DGCR2: variants seen among roughly 807,000 people sequenced by gnomAD.
The protein encoded by DGCR2 is DiGeorge syndrome critical region gene 2.
A neutral mutation model predicts 51.6 loss-of-function variants in DGCR2; 24 were observed. The ratio of observed to expected loss-of-function variants is 0.47; its 90% CI spans 0.34 to 0.65. DGCR2 has a LOEUF of 0.65. Among genes scored for constraint, DGCR2 ranks in the 30% least tolerant of loss-of-function variants. DGCR2 has a pLI of 0.01. For synonymous variants in DGCR2, 340 were observed against 315.4 expected, an observed-to-expected ratio of 1.08 and a Z score of -0.82; for missense variants, 765 against 772.1, an observed-to-expected ratio of 0.99 and a Z score of 0.11.
chr22:19,086,526 C>T (rs779453099), intron 2 of DGCR2, among the ~76,000 whole-genome samples: 3 of 152,036 alleles, frequency 2.0e-5, no homozygotes, highest in Non-Finnish European at 4.4e-5. Flanking sequence ...GACTGTGACA[C>T]AGCACTATAC....
Position 19,041,827 on chromosome 22 carries a change from T to G in DGCR2, c.1139A>C (p.Glu380Ala), listed in dbSNP as rs769637973. Residue 380 changes from glutamate (E) to alanine (A), a missense_variant, in exon 8 of 10, where the codon GAG becomes GCG. Transcript: ENST00000263196. The part of the protein sequence containing the change: ...RLRQRRRERI[E>A]SLIGANLHHF... ...CTTACAGTTTGCTCCAATCAGGGAC[T>G]CGATGCGCTCCCGGCGCCGCTGGCG... The G allele has an allele frequency of 4.6e-5, 74 of 1,612,386 alleles. No individual in the cohort carries two copies. Among genetic ancestry groups the G allele is most frequent in the South Asian group, 4.3e-4 (39 of 91,012 alleles).
chr22:19,048,308 A>G, intron 7 of DGCR2, 132 bp downstream of exon 7: 1 of 938,920 alleles, frequency 1.1e-6, no homozygotes, highest in Non-Finnish European at 1.6e-6. Flanking sequence ...TCTCTGTGAC[A>G]AACGCTGCCA....
chr22:19,082,301 G>A (rs547161159), intron 2 of DGCR2, among the ~76,000 whole-genome samples: 2 of 140,662 alleles, frequency 1.4e-5, no homozygotes, highest in African/African-American at 5.4e-5. Context: ...CTTGGGCTCT[G>A]GCAATCTGCC....
At chr22:19,104,598 C>T (rs554447680) in intron 1 of DGCR2, among the ~76,000 whole-genome samples, 2 of 152,328 alleles carry the variant, frequency 1.3e-5, no homozygotes, top group South Asian at 4.1e-4. Context: ...TCTGCTCGCA[C>T]TACTCACAGC....
At chr22:19,098,619 G>C (rs965566706) in intron 1 of DGCR2, among the ~76,000 whole-genome samples, 1 of 152,056 alleles carries the variant, frequency 6.6e-6, no homozygotes, top group African/African-American at 2.4e-5. Flanking sequence ...ACAGGGTCTC[G>C]CTCTGTCACC....
intron 2 of DGCR2, among the ~76,000 whole-genome samples, chr22:19,077,014 G>A (rs1206203943): frequency 5.3e-5 from 8 of 151,578 alleles, no homozygotes; most frequent in Non-Finnish European, 7.4e-5. Context: ...GTGAGCCGCC[G>A]CACCCAGTCC....
At chr22:19,065,627 G>C (rs1026289473) in intron 3 of DGCR2, 1 of 157,522 alleles carries the variant, frequency 6.3e-6, no homozygotes, top group Non-Finnish European at 1.4e-5. Context: ...GATGCCACAG[G>C]TGGCAAAGCT....
chr22:19,056,871 C>T, intron 6 of DGCR2, 115 bp downstream of exon 6: 8 of 1,167,370 alleles, frequency 6.9e-6, no homozygotes, highest in Non-Finnish European at 8.3e-6. Flanking sequence ...TGGTAAGGGG[C>T]GTCCACCGCA....
intron 1 of DGCR2, among the ~76,000 whole-genome samples, chr22:19,099,534 G>C (rs533141195): frequency 6.6e-6 from 1 of 152,020 alleles, no homozygotes; most frequent in South Asian, 2.1e-4. Context: ...AGTGAGTCAC[G>C]ATCACACCAC....
chr22:19,075,607 C>G (rs767462453), intron 2 of DGCR2, among the ~76,000 whole-genome samples: 15 of 152,340 alleles, frequency 9.8e-5, no homozygotes, highest in South Asian at 6.2e-4. Flanking sequence ...CCTCCCAGCC[C>G]CTGGCAACCA....
intron 6 of DGCR2, among the ~76,000 whole-genome samples, chr22:19,049,574 C>A (rs2146313901): frequency 6.6e-6 from 1 of 152,302 alleles, no homozygotes; most frequent in South Asian, 2.1e-4. Flanking sequence ...CACCTGTAAT[C>A]CCAGCACTTT....
chr22:19,048,325 C>T (rs768215331), intron 7 of DGCR2, 115 bp downstream of exon 7: 16 of 1,086,824 alleles, frequency 1.5e-5, no homozygotes, highest in Non-Finnish European at 2.2e-5. Flanking sequence ...GCCATTGCTG[C>T]TGCGCGATGC....
At chr22:19,042,081 A>C in intron 7 of DGCR2, 122 bp from the exon 8 acceptor site, 1 of 1,161,558 alleles carries the variant, frequency 8.6e-7, no homozygotes, top group South Asian at 1.6e-5. Context: ...GTCTCCCTGC[A>C]CCCAACCATC....
intron 1 of DGCR2, among the ~76,000 whole-genome samples, chr22:19,098,380 G>A (rs568816738): frequency 1.3e-5 from 2 of 152,254 alleles, no homozygotes; most frequent in East Asian, 3.9e-4. Flanking sequence ...TTTCCAGGTG[G>A]CCAGCTTCAC....
At chr22:19,107,803 C>A (rs564974230) in intron 1 of DGCR2, among the ~76,000 whole-genome samples, 2 of 152,172 alleles carry the variant, frequency 1.3e-5, no homozygotes, top group Non-Finnish European at 2.9e-5. Flanking sequence ...AGAACTGGAG[C>A]GAGAGCTATC....
intron 2 of DGCR2, among the ~76,000 whole-genome samples, chr22:19,082,716 C>A (rs2082953976): frequency 6.6e-6 from 1 of 151,582 alleles, no homozygotes; most frequent in African/African-American, 2.4e-5. Context: ...CACCACTGCA[C>A]TCCAGCCTCC....
chr22:19,108,935 G>A (rs1210562781), intron 1 of DGCR2, among the ~76,000 whole-genome samples: 1 of 152,006 alleles, frequency 6.6e-6, no homozygotes, highest in Non-Finnish European at 1.5e-5. Flanking sequence ...GGAGGCTGAG[G>A]CAGGAGGATC....
In DGCR2 at chr22:19,065,005, C is replaced by T; in HGVS notation, c.391G>A (p.Val131Ile). Reference protein sequence around the residue: ...HYEGTASCYRVYLSGENYWDA... With the variant: ...HYEGTASCYRIYLSGENYWDA... ...CAGTAGTTCTCCCCGCTCAGGTAGA[C>T]CCGGTAGCAGCTGGCCGTGCCTTCG... is the stretch of plus-strand genomic sequence containing the variant. Residue 131 changes from valine to isoleucine, a missense_variant, in exon 4 of 10, where the codon GTC becomes ATC. This residue lies in a region of DGCR2 where 370 missense variants were observed against 325.5 expected (regional missense o/e 1.14). Coordinates refer to ENST00000263196, the MANE Select transcript of DGCR2 (RefSeq NM_005137.3). 1 of 1,614,078 alleles carries T rather than the reference C, an allele frequency of 6.2e-7. No homozygotes were observed. The highest frequency in any genetic ancestry group is 8.5e-7 in the Non-Finnish European group (1 of 1,180,042).
At chr22:19,102,830 ACCT>A (rs1376343630) in intron 1 of DGCR2, among the ~76,000 whole-genome samples, 1 of 152,028 alleles carries the variant, frequency 6.6e-6, no homozygotes, top group Non-Finnish European at 1.5e-5. Context: ...ACATAGTGAG[ACCT>A]CATCTCCACA....
Sources: allele counts gnomAD v4.1 joint callset (sites outside exome capture counted in the v4.1 genomes callset), GRCh38; gene constraint gnomAD v4.1.1; regional missense constraint gnomAD v4.1.1; transcripts MANE v1.5; gene names NCBI Gene and HGNC (gene_info 2026-07-23, HGNC 2026-07-21).